CNBD1: variants seen among roughly 807,000 people sequenced by gnomAD.
CNBD1 encodes the protein cyclic nucleotide binding domain containing 1, also known as cyclic nucleotide-binding domain-containing protein 1.
In CNBD1, 71 loss-of-function variants were observed where a neutral mutation model predicts 54.4. That is an observed-to-expected ratio of 1.30 (90% CI 1.08 to 1.59). CNBD1 has a LOEUF of 1.59. CNBD1 is among the 40% of genes most tolerant of loss of function. CNBD1 has a pLI of 0.00. For missense variants in CNBD1, 659 were observed against 518.0 expected (o/e 1.27, Z -2.64); for synonymous variants, 182 against 170.7 (o/e 1.07, Z -0.51).
At chr8:87,228,550 C>A (rs1357041786) in intron 5 of CNBD1, among the ~76,000 whole-genome samples, 1 of 150,524 alleles carries the variant, frequency 6.6e-6, no homozygotes, top group African/African-American at 2.5e-5. Context: ...AGTTAGGCTG[C>A]TCGGGGGTCA....
chr8:87,313,037 T>C (rs1331715964), intron 8 of CNBD1, among the ~76,000 whole-genome samples: 6 of 152,022 alleles, frequency 3.9e-5, no homozygotes, highest in African/African-American at 9.7e-5. Context: ...GGCTGCTTTG[T>C]GAGGGTAGTA....
chr8:87,129,312 A>C (rs1812068912), intron 4 of CNBD1, among the ~76,000 whole-genome samples: 2 of 152,052 alleles, frequency 1.3e-5, no homozygotes, highest in Admixed American at 1.3e-4. Context: ...TCTTTGTGGG[A>C]AGATCTTTAG....
At chr8:87,091,264 C>T (rs1337979514) in intron 4 of CNBD1, among the ~76,000 whole-genome samples, 1 of 151,826 alleles carries the variant, frequency 6.6e-6, no homozygotes, top group East Asian at 1.9e-4. Context: ...TTTAGACATA[C>T]AGTTTATGGC....
At chr8:87,368,722 T>C (rs890006480) in intron 10 of CNBD1, among the ~76,000 whole-genome samples, 1 of 151,950 alleles carries the variant, frequency 6.6e-6, no homozygotes, top group Non-Finnish European at 1.5e-5. Flanking sequence ...AGAGGGGTAT[T>C]TGGTATTTTG....
intron 10 of CNBD1, among the ~76,000 whole-genome samples, chr8:87,379,739 A>T (rs1368796241): frequency 6.6e-6 from 1 of 151,972 alleles, no homozygotes; most frequent in Non-Finnish European, 1.5e-5. Context: ...AATATTTGTA[A>T]AATTACATTG....
chr8:87,097,677 A>T (rs1811347188), intron 4 of CNBD1, among the ~76,000 whole-genome samples: 1 of 152,140 alleles, frequency 6.6e-6, no homozygotes, highest in South Asian at 2.1e-4. Flanking sequence ...CCCTCTGAAG[A>T]TTTTTAATGC....
intron 4 of CNBD1, among the ~76,000 whole-genome samples, chr8:86,969,295 A>G (rs1483287705): frequency 6.6e-6 from 1 of 152,208 alleles, no homozygotes; most frequent in Non-Finnish European, 1.5e-5. Context: ...TAAATAATAC[A>G]TTAAACAAAT....
intron 4 of CNBD1, among the ~76,000 whole-genome samples, chr8:87,203,024 T>G (rs1417289260): frequency 2.0e-5 from 3 of 152,272 alleles, no homozygotes; most frequent in Admixed American, 2.0e-4. Context: ...AAACATACAA[T>G]TCAAGGCCAA....
intron 10 of CNBD1, among the ~76,000 whole-genome samples, chr8:87,367,301 T>C (rs1043727430): frequency 6.6e-5 from 10 of 152,102 alleles, no homozygotes; most frequent in Admixed American, 6.6e-5. Flanking sequence ...AATAGTGTAC[T>C]CTACTGTGGC....
intron 6 of CNBD1, among the ~76,000 whole-genome samples, chr8:87,282,013 CTT>C (rs1157491522): frequency 6.6e-6 from 1 of 151,252 alleles, no homozygotes; most frequent in Non-Finnish European, 1.5e-5. Context: ...TGGTTATTTT[CTT>C]TGAGTCAAAT....
chr8:86,917,868 C>T, intron 3 of CNBD1, among the ~76,000 whole-genome samples: 1 of 152,076 alleles, frequency 6.6e-6, no homozygotes, highest in East Asian at 1.9e-4. Flanking sequence ...CCTTTATTTA[C>T]CTGACAGAAA....
intron 10 of CNBD1, among the ~76,000 whole-genome samples, chr8:87,371,610 C>G (rs1433735033): frequency 9.2e-5 from 14 of 151,952 alleles, no homozygotes. Context: ...CAAACTGAAT[C>G]CAGCAGCACA....
intron 8 of CNBD1, among the ~76,000 whole-genome samples, chr8:87,300,269 G>A (rs1262749859): frequency 2.0e-5 from 3 of 152,036 alleles, no homozygotes; most frequent in African/African-American, 4.8e-5. Flanking sequence ...TTGTGTCCAT[G>A]TATGTAGCCA....
downstream of CNBD1, among the ~76,000 whole-genome samples, chr8:87,386,088 A>T (rs933071198): frequency 2.0e-5 from 3 of 152,180 alleles, no homozygotes; most frequent in Non-Finnish European, 2.9e-5. Flanking sequence ...AACAGAAAGG[A>T]CATCCACACC....
chr8:87,231,809 C>A (rs1236423139), intron 5 of CNBD1, among the ~76,000 whole-genome samples: 1 of 151,966 alleles, frequency 6.6e-6, no homozygotes, highest in Non-Finnish European at 1.5e-5. Context: ...CATATGTATA[C>A]CTTAAATGTA....
chr8:87,205,767 GT>G (rs1813958747), intron 4 of CNBD1, among the ~76,000 whole-genome samples: 1 of 152,104 alleles, frequency 6.6e-6, no homozygotes, highest in African/African-American at 2.4e-5. Context: ...AAGGCATTGT[GT>G]AATTTCCTAA....
chr8:87,058,219 T>C (rs559572616), intron 4 of CNBD1, among the ~76,000 whole-genome samples: 6 of 152,282 alleles, frequency 3.9e-5, no homozygotes, highest in Admixed American at 1.3e-4. Context: ...AGAGGTGGGC[T>C]CCCAAAGCCT....
At chr8:87,060,151 C>T (rs955884563) in intron 4 of CNBD1, among the ~76,000 whole-genome samples, 2 of 152,034 alleles carry the variant, frequency 1.3e-5, no homozygotes, top group Admixed American at 6.5e-5. Context: ...CCTAGTTAAG[C>T]CTCCAGATGA....
chr8:87,092,062 GA>G (rs1167709350), intron 4 of CNBD1, among the ~76,000 whole-genome samples: 20 of 152,006 alleles, frequency 1.3e-4, no homozygotes, highest in Admixed American at 1.3e-3. Context: ...TTAATCTGAA[GA>G]AAAAACTATG....
Sources: allele counts gnomAD v4.1 joint callset (sites outside exome capture counted in the v4.1 genomes callset), GRCh38; gene constraint gnomAD v4.1.1; transcripts MANE v1.5; gene names NCBI Gene and HGNC (gene_info 2026-07-23, HGNC 2026-07-21).